Variants in CSMD3 observed in about 807,000 individuals in gnomAD.
CSMD3 encodes the protein CUB and sushi domain-containing protein 3.
Under a neutral mutation model 435.2 loss-of-function variants are expected in CSMD3, and 177 were observed. The observed-to-expected ratio is 0.41, with a 90% CI of 0.36 to 0.46. The LOEUF (loss-of-function observed/expected upper bound fraction) is 0.46, where lower values mean the gene tolerates loss of function less well. CSMD3 is among the 20% of genes least tolerant of loss of function. The probability of loss-of-function intolerance (pLI) is 0.34; values close to 1 mark genes in which losing one functional copy is unlikely to be tolerated. For synonymous variants in CSMD3, 1,656 were observed against 1,520.5 expected, an observed-to-expected ratio of 1.09 and a Z score of -2.07; for missense variants, 4,265 against 4,504.6, an observed-to-expected ratio of 0.95 and a Z score of 1.52.
chr8:113,300,162 C>CAAAAAA (rs34291122), intron 2 of CSMD3, among the ~76,000 whole-genome samples: 12 of 116,576 alleles, frequency 1.0e-4, no homozygotes, highest in East Asian at 2.6e-4. Context: ...TCAAAAAAGT[C>CAAAAAA]AAAAAAAAAA....
At chr8:113,374,849 C>CAAAAAAAAAAAAAAAAAA (rs1251115132) in intron 1 of CSMD3, among the ~76,000 whole-genome samples, 17 of 21,020 alleles carry the variant, frequency 8.1e-4, no homozygotes, top group African/African-American at 1.9e-3. Flanking sequence ...AAAAAAAAAC[C>CAAAAAAAAAAAAAAAAAA]AATAAAATGA....
chr8:113,174,292 T>A (rs1217580051), intron 3 of CSMD3, among the ~76,000 whole-genome samples: 24 of 152,144 alleles, frequency 1.6e-4, no homozygotes, highest in Admixed American at 1.6e-3. Flanking sequence ...AATATTATCT[T>A]CAGTCCTTCA....
intron 3 of CSMD3, among the ~76,000 whole-genome samples, chr8:113,187,206 C>A (rs558321634): frequency 6.6e-6 from 1 of 151,396 alleles, no homozygotes; most frequent in South Asian, 2.1e-4. Flanking sequence ...ATTCCCCTCA[C>A]CTTTCAATGT....
chr8:113,281,258 G>C (rs1391706911), intron 2 of CSMD3, among the ~76,000 whole-genome samples: 1 of 151,602 alleles, frequency 6.6e-6, no homozygotes, highest in African/African-American at 2.4e-5. Flanking sequence ...TAGTACTGTC[G>C]GTGGAGTGTT....
intron 5 of CSMD3, among the ~76,000 whole-genome samples, chr8:113,082,956 A>C (rs992546022): frequency 2.0e-5 from 3 of 152,160 alleles, no homozygotes; most frequent in Non-Finnish European, 4.4e-5. Context: ...AGACACTATT[A>C]AGCAAACAAA....
chr8:112,392,212 G>T (rs1830474598), intron 35 of CSMD3, among the ~76,000 whole-genome samples: 1 of 148,888 alleles, frequency 6.7e-6, no homozygotes, highest in African/African-American at 2.5e-5. Flanking sequence ...TATAAATGAT[G>T]AGATACAAAG....
chr8:112,907,121 T>C (rs761895570), intron 10 of CSMD3, among the ~76,000 whole-genome samples: 167 of 151,642 alleles, frequency 1.1e-3, no homozygotes, highest in Non-Finnish European at 1.5e-3. Context: ...AAGGGAAAAG[T>C]TAATTCAGGA....
chr8:113,405,997 T>A (rs1256340806), intron 1 of CSMD3, among the ~76,000 whole-genome samples: 4 of 151,800 alleles, frequency 2.6e-5, no homozygotes, highest in African/African-American at 7.2e-5. Context: ...GCAGACATGA[T>A]CTTGCAATCA....
chr8:113,101,469 AATAATATATT>A (rs1465479320), intron 4 of CSMD3, among the ~76,000 whole-genome samples: 1 of 152,050 alleles, frequency 6.6e-6, no homozygotes, highest in African/African-American at 2.4e-5. Context: ...TTTTAATAAT[AATAATATATT>A]ATATTCCGTA....
intron 1 of CSMD3, among the ~76,000 whole-genome samples, chr8:113,432,638 AG>A (rs2094681740): frequency 6.6e-6 from 1 of 152,162 alleles, no homozygotes; most frequent in African/African-American, 2.4e-5. Context: ...GACGTTGCAG[AG>A]GAGCCACAAT....
At chr8:112,810,416 T>A (rs752806214) in intron 12 of CSMD3, among the ~76,000 whole-genome samples, 15 of 152,118 alleles carry the variant, frequency 9.9e-5, no homozygotes, top group Non-Finnish European at 1.6e-4. Context: ...AGACTGCAAA[T>A]GATAAGTCTA....
intron 2 of CSMD3, among the ~76,000 whole-genome samples, chr8:113,291,207 A>T (rs1588452116): frequency 6.6e-6 from 1 of 151,822 alleles, no homozygotes; most frequent in Non-Finnish European, 1.5e-5. Context: ...AAGTTGCAAT[A>T]AATGTTTTGC....
intron 4 of CSMD3, among the ~76,000 whole-genome samples, chr8:113,151,188 C>T (rs951325079): frequency 6.6e-6 from 1 of 151,938 alleles, no homozygotes; most frequent in Non-Finnish European, 1.5e-5. Flanking sequence ...TTCACTAACA[C>T]AATACCACAT....
At chr8:112,846,448 G>C (rs2080322345) in intron 11 of CSMD3, among the ~76,000 whole-genome samples, 1 of 151,036 alleles carries the variant, frequency 6.6e-6, no homozygotes, top group Non-Finnish European at 1.5e-5. Flanking sequence ...CTGTCACCCA[G>C]GCTGGAATGC....
At chr8:113,089,905 C>T (rs1422286165) in intron 5 of CSMD3, among the ~76,000 whole-genome samples, 1 of 151,980 alleles carries the variant, frequency 6.6e-6, no homozygotes, top group East Asian at 1.9e-4. Context: ...AAGCACCTGC[C>T]TTTTGACTAA....
intron 1 of CSMD3, among the ~76,000 whole-genome samples, chr8:113,433,551 G>A (rs945337834): frequency 6.6e-6 from 1 of 152,212 alleles, no homozygotes; most frequent in South Asian, 2.1e-4. Context: ...CTCAGAGCAC[G>A]CAGAAACGTG....
At chr8:112,971,564 T>C (rs921001302) in intron 7 of CSMD3, among the ~76,000 whole-genome samples, 4 of 152,192 alleles carry the variant, frequency 2.6e-5, no homozygotes, top group African/African-American at 9.6e-5. Context: ...CAAAAACTAC[T>C]TTGCAAATAT....
intron 24 of CSMD3, among the ~76,000 whole-genome samples, chr8:112,558,536 A>G (rs1167427701): frequency 1.3e-5 from 2 of 151,876 alleles, no homozygotes; most frequent in Non-Finnish European, 2.9e-5. Flanking sequence ...GAAGGCTCCC[A>G]TGTCATATAA....
At chr8:112,692,091 C>G (rs1286405381) in intron 13 of CSMD3, among the ~76,000 whole-genome samples, 1 of 152,128 alleles carries the variant, frequency 6.6e-6, no homozygotes, top group Non-Finnish European at 1.5e-5. Flanking sequence ...GTGTGAGCCA[C>G]TGCGCCCGGC....
Sources: allele counts gnomAD v4.1 joint callset (sites outside exome capture counted in the v4.1 genomes callset), GRCh38; gene constraint gnomAD v4.1.1; transcripts MANE v1.5; gene names NCBI Gene and HGNC (gene_info 2026-07-23, HGNC 2026-07-21).